SETBP1: variants seen among roughly 807,000 people sequenced by gnomAD.
SETBP1 encodes SET binding protein 1.
A neutral mutation model predicts 101.0 loss-of-function variants in SETBP1; 9 were observed. The ratio of observed to expected loss-of-function variants is 0.09; its 90% confidence interval spans 0.05 to 0.16. The LOEUF is 0.16. SETBP1 is among the 10% of genes least tolerant of loss of function. The probability of loss-of-function intolerance (pLI) is 1.00; values close to 1 mark genes in which losing one functional copy is unlikely to be tolerated. For missense variants in SETBP1, 1,858 were observed against 2,033.8 expected (o/e 0.91, Z 1.66); for synonymous variants, 818 against 788.5 (o/e 1.04, Z -0.63).
In SETBP1 at chr18:44,921,418, G is replaced by C. The variant is rs1238183724; in HGVS notation, c.541-28463G>C. 2.0e-5 allele frequency among the ~76,000 whole-genome samples: 3 copies of C among 152,060 alleles called. No homozygotes were observed. In the East Asian group the frequency reaches 5.8e-4, roughly 29 times the overall value. On this transcript the variant is annotated intron_variant, in intron 3 of 5. Coordinates refer to ENST00000649279, the MANE Select transcript of SETBP1 (RefSeq NM_015559.3). ...GGGCTGGACACTGCCTGTTGGAACT[G>C]GGTTGAGGTTCCAGTGGCAGTGGGT...
At chr18:44,967,340 G>A (rs1479182970) in intron 4 of SETBP1, among the ~76,000 whole-genome samples, 1 of 152,240 alleles carries the variant, frequency 6.6e-6, no homozygotes, top group Admixed American at 6.5e-5. Flanking sequence ...GCAAGAATGT[G>A]TATGACTATT....
At chr18:44,928,757 A>G (rs979025695) in intron 3 of SETBP1, among the ~76,000 whole-genome samples, 5 of 152,020 alleles carry the variant, frequency 3.3e-5, no homozygotes, top group Admixed American at 2.0e-4. Flanking sequence ...CATAGCCTTT[A>G]CCCACTTTTT....
intron 2 of SETBP1, among the ~76,000 whole-genome samples, chr18:44,736,363 A>G (rs1186577815): frequency 6.6e-6 from 1 of 152,226 alleles, no homozygotes; most frequent in Admixed American, 6.5e-5. Context: ...ACTGGGCAAC[A>G]GAGTGAGATC....
chr18:44,980,278 T>C (rs557181021), intron 4 of SETBP1, among the ~76,000 whole-genome samples: 1 of 152,282 alleles, frequency 6.6e-6, no homozygotes, highest in South Asian at 2.1e-4. Context: ...GTTTGCACAG[T>C]AAACTGTTTT....
chr18:44,795,480 A>G (rs569796385), intron 2 of SETBP1, among the ~76,000 whole-genome samples: 2 of 152,306 alleles, frequency 1.3e-5, no homozygotes, highest in African/African-American at 2.4e-5. Flanking sequence ...TAAGAGTAGC[A>G]GGGGAAACTG....
chr18:45,035,413 T>C (rs1162108464), intron 4 of SETBP1, among the ~76,000 whole-genome samples: 1 of 152,230 alleles, frequency 6.6e-6, no homozygotes, highest in Non-Finnish European at 1.5e-5. Flanking sequence ...AATTATAGAA[T>C]GTTTTAAATA....
intron 4 of SETBP1, among the ~76,000 whole-genome samples, chr18:44,971,913 G>A (rs1215381405): frequency 1.3e-5 from 2 of 152,162 alleles, no homozygotes; most frequent in African/African-American, 4.8e-5. Flanking sequence ...GGCTTTTGTT[G>A]CCATTGCTTT....
chr18:44,707,395 T>G (rs2069244593), intron 2 of SETBP1, among the ~76,000 whole-genome samples: 1 of 152,246 alleles, frequency 6.6e-6, no homozygotes. Flanking sequence ...TTTTATTTGC[T>G]TTTGACAAAA....
At chr18:44,806,083 G>A (rs1378608858) in intron 2 of SETBP1, among the ~76,000 whole-genome samples, 3 of 152,124 alleles carry the variant, frequency 2.0e-5, no homozygotes, top group Non-Finnish European at 2.9e-5. Context: ...CTGTTATCCT[G>A]AAGTACCATG....
At chr18:45,039,650 C>T (rs937775961) in intron 5 of SETBP1, among the ~76,000 whole-genome samples, 3 of 152,202 alleles carry the variant, frequency 2.0e-5, no homozygotes, top group Non-Finnish European at 2.9e-5. Context: ...CTTGAATTAA[C>T]ATATTAATGT....
chr18:44,851,592 C>A (rs193038297), intron 2 of SETBP1, among the ~76,000 whole-genome samples: 7 of 152,342 alleles, frequency 4.6e-5, no homozygotes, highest in Middle Eastern at 3.4e-3. Flanking sequence ...TTGTCCCTTT[C>A]TCTCTCCTGG....
Position 44,884,189 on chromosome 18 carries a change from T to G in SETBP1, c.540+14906T>G, listed in dbSNP as rs1324495614. Among the ~76,000 whole-genome samples the G allele has an allele frequency of 3.9e-5, 6 of 152,280 alleles. No individual in the cohort carries two copies. The East Asian group carries it at 1.2e-3, about 29-fold the overall frequency. ...GCGAGAACTGAGGCTGAATCACAGC[T>G]TCAACACTGGCTATCTCAATGACCT... On this transcript the variant is annotated intron_variant, in intron 3 of 5. Coordinates refer to ENST00000649279, the MANE Select transcript of SETBP1 (RefSeq NM_015559.3).
At chr18:44,917,752 T>A (rs1215313957) in intron 3 of SETBP1, among the ~76,000 whole-genome samples, 1 of 152,092 alleles carries the variant, frequency 6.6e-6, no homozygotes, top group Non-Finnish European at 1.5e-5. Flanking sequence ...GGCTGTGAGG[T>A]GCCCTGGAGC....
intron 2 of SETBP1, among the ~76,000 whole-genome samples, chr18:44,794,310 A>G (rs993627475): frequency 2.6e-5 from 4 of 152,236 alleles, no homozygotes; most frequent in Non-Finnish European, 5.9e-5. Flanking sequence ...TTTTTGATGC[A>G]CTAAGAGATC....
chr18:44,789,244 G>A (rs747812331), intron 2 of SETBP1, among the ~76,000 whole-genome samples: 15 of 152,136 alleles, frequency 9.9e-5, no homozygotes, highest in Non-Finnish European at 4.4e-5. Context: ...TACCAAAATA[G>A]CTTTGTGACC....
chr18:45,027,655 A>G (rs1186775894), intron 4 of SETBP1, among the ~76,000 whole-genome samples: 1 of 152,184 alleles, frequency 6.6e-6, no homozygotes, highest in Non-Finnish European at 1.5e-5. Flanking sequence ...TAGTGCTAAG[A>G]AGTAATCATG....
intron 2 of SETBP1, among the ~76,000 whole-genome samples, chr18:44,773,838 ATGTGTGTGTGTG>A (rs61649185): frequency 6.0e-5 from 8 of 134,280 alleles, no homozygotes; most frequent in East Asian, 4.5e-4. Flanking sequence ...CTCTCTGTTT[ATGTGTGTGTGTG>A]TGTGTGTGTG....
intron 2 of SETBP1, among the ~76,000 whole-genome samples, chr18:44,804,846 G>GT (rs1568154921): frequency 1.3e-5 from 2 of 152,152 alleles, no homozygotes; most frequent in South Asian, 2.1e-4. Flanking sequence ...CACTCTCATG[G>GT]TTTTTTTCTC....
intron 2 of SETBP1, among the ~76,000 whole-genome samples, chr18:44,714,399 G>T (rs2144292267): frequency 6.6e-6 from 1 of 152,120 alleles, no homozygotes; most frequent in South Asian, 2.1e-4. Context: ...ATGGGGTTTT[G>T]CCACGTTGGC....
Sources: gnomAD v4.1 joint callset for allele counts (sites outside exome capture counted in the v4.1 genomes callset) on GRCh38, gnomAD v4.1.1 for gene constraint, MANE v1.5 for transcripts, NCBI Gene and HGNC (gene_info 2026-07-23, HGNC 2026-07-21) for gene names.